Variants in GPS1 observed in about 807,000 individuals in gnomAD.
GPS1 encodes G protein pathway suppressor 1, also known as COP9 signalosome complex subunit 1.
A neutral mutation model predicts 60.0 loss-of-function variants in GPS1; 11 were observed. The observed-to-expected ratio is 0.18, with a 90% CI of 0.12 to 0.30. The LOEUF is 0.30. Ranked by LOEUF, GPS1 falls within the 10% of genes least tolerant of loss-of-function variation. The pLI is 1.00. For synonymous variants in GPS1, 343 were observed against 269.8 expected, an observed-to-expected ratio of 1.27 and a Z score of -2.66; for missense variants, 543 against 669.2, an observed-to-expected ratio of 0.81 and a Z score of 2.08.
In GPS1 at chr17:82,057,354, G is replaced by C. The variant is rs1017250004; in HGVS notation, c.*227G>C. 1.4e-6 allele frequency: 1 copy of C among 708,798 alleles called. No homozygotes were observed. Among genetic ancestry groups the C allele is most frequent in the Non-Finnish European group, 2.5e-6 (1 of 392,598 alleles). The allele number at this position is 708,798 out of a possible 1,614,324, so 43.9% of individuals were successfully genotyped here. On this transcript the variant is annotated 3_prime_UTR_variant, in exon 13 of 13. Transcript: ENST00000578552. ...TCGACCCTGTGGGTTTCTGTCCCCA[G>C]GGAGCAGACTGTGCGGCACCCAGGC...
intron 7 of GPS1, 63 bp from the exon 8 acceptor site, chr17:82,055,938 T>C (rs1335987948): frequency 6.9e-7 from 1 of 1,450,948 alleles, no homozygotes; most frequent in African/African-American, 1.4e-5. Context: ...TCCGAGCGGG[T>C]GATGGGCAGG....
At position 82,055,199 on chromosome 17, in the gene GPS1, T is replaced by A. The variant is rs1408958507; in HGVS notation, c.725T>A (p.Leu242His). 6.4e-6 allele frequency: 10 copies of A among 1,558,656 alleles called. No individual in the cohort carries two copies. The highest frequency in any genetic ancestry group is 1.9e-5 in the Admixed American group (1 of 52,116). ...CGTGACAGCCAGACCCAGGCCATCC[T>A]CACCAAGCTCAAGTGTGCCGCAGGT... is the stretch of plus-strand genomic sequence containing the variant. ...GERDSQTQAI[L>H]TKLKCAAGLA... The change falls in exon 6 of 13, where the codon CTC becomes CAC. Residue 242 changes from leucine to histidine, a missense_variant. Coordinates refer to ENST00000578552, the MANE Select transcript of GPS1 (RefSeq NM_001321092.3).
At position 82,053,316 on chromosome 17, in the gene GPS1, G is replaced by A; in HGVS notation, c.76G>A (p.Asp26Asn). The change falls in exon 2 of 13, where the codon GAC becomes AAC. Residue 26 changes from aspartate (D) to asparagine (N), a missense_variant. Around this residue, in one of 3 missense-constraint regions of GPS1, gnomAD observed 181 missense variants for 188.8 expected, o/e 0.96. Coordinates refer to ENST00000578552, the MANE Select transcript of GPS1 (RefSeq NM_001321092.3). Reference protein sequence around the residue: ...PMQIDVDPQEDPQNAPDVNYV... With the variant: ...PMQIDVDPQENPQNAPDVNYV... ...GCAGATCGACGTGGACCCCCAGGAAGACCCGCAGAATGCACCTGACGTCAA... is the reference window on the plus strand; with the variant it reads ...GCAGATCGACGTGGACCCCCAGGAAAACCCGCAGAATGCACCTGACGTCAA... The A allele has an allele frequency of 1.3e-6, 2 of 1,548,230 alleles. No individual in the cohort carries two copies. The highest frequency in any genetic ancestry group is 1.7e-6 in the Non-Finnish European group (2 of 1,155,740).
At chr17:82,052,183 C>T in intron 1 of GPS1, 1 of 1,358,876 alleles carries the variant, frequency 7.4e-7, no homozygotes. Flanking sequence ...CCGCGCCCGC[C>T]CCGCCTCCCC....
Position 82,056,276 on chromosome 17 carries a change from G to C in GPS1, c.930-10G>C. On this transcript the variant is annotated splice_polypyrimidine_tract_variant and intron_variant, in intron 8 of 12. Transcript: ENST00000578552. ...CAGAGGACAGAGTTCTGAGGGGTCT[G>C]CCTCACCAGCTCCTTCAAGTTGTTC... 6.3e-7 allele frequency: 1 copy of C among 1,582,098 alleles called. No individual in the cohort carries two copies. The highest frequency in any genetic ancestry group is 1.1e-5 in the South Asian group (1 of 90,498).
upstream of GPS1, chr17:82,051,346 G>A: frequency 1.4e-6 from 2 of 1,468,430 alleles, no homozygotes; most frequent in Non-Finnish European, 1.8e-6. This position sits in a 1 kb window ranked among gnomAD's most constrained non-coding sequence, Gnocchi z 4.1. Flanking sequence ...TAAACGTCTG[G>A]GGGAGAAACA....
Position 82,053,375 on chromosome 17 carries a change from C to T in GPS1, c.126+9C>T. On this transcript the variant is annotated intron_variant, in intron 2 of 12. Coordinates refer to ENST00000578552, the MANE Select transcript of GPS1 (RefSeq NM_001321092.3). ...TGGAGAACCCCAGCCTGGTACGGAG[C>T]CCAGTGGGGGGACCTTGGGTGTCTC... 12 of 1,467,662 alleles carry T rather than the reference C, an allele frequency of 8.2e-6. No homozygotes were observed. The highest frequency in any genetic ancestry group is 1.1e-5 in the Non-Finnish European group (12 of 1,112,500). 90.9% of individuals were successfully genotyped at this position (1,467,662 alleles called of 1,614,324 possible).
chr17:82,054,006 G>A lies in GPS1; in HGVS notation c.265G>A (p.Asp89Asn). 2 of 1,612,634 alleles carry A rather than the reference G, an allele frequency of 1.2e-6. No individual in the cohort carries two copies. Among genetic ancestry groups the A allele is most frequent in the Non-Finnish European group, 8.5e-7 (1 of 1,179,766 alleles). Residue 89 changes from aspartate to asparagine, a missense_variant, in exon 3 of 13, where the codon GAC (aspartate) becomes AAC (asparagine). Asp to Asn is a conservative substitution (Grantham distance 23). Transcript: ENST00000578552. Reference sequence around the variant, plus strand: ...CTTCGTGCAGAGAACCTTTAACGTGGACATGTACGAGGAGATCCACCGCAA... The same window carrying A: ...CTTCGTGCAGAGAACCTTTAACGTGAACATGTACGAGGAGATCCACCGCAA... ...LSFVQRTFNV[D>N]MYEEIHRKLS...
upstream of GPS1, chr17:82,051,772 C>G (rs2030666418): frequency 9.0e-7 from 1 of 1,105,138 alleles, no homozygotes; most frequent in Admixed American, 5.2e-5. This position sits in a 1 kb window ranked among gnomAD's most constrained non-coding sequence, Gnocchi z 4.1. Flanking sequence ...CTCATGCGGC[C>G]GCCGGGACCC....
At position 82,054,529 on chromosome 17, in the gene GPS1, G is replaced by A. The variant is rs369888073; in HGVS notation, c.328G>A (p.Asp110Asn). 2.2e-5 allele frequency: 34 copies of A among 1,551,376 alleles called. No individual in the cohort carries two copies. In the African/African-American group the frequency reaches 3.5e-4, roughly 16 times the overall value. ...TCTCAGGGAGCTGCAGAACGCACCC[G>A]ACGCCATCCCTGAGAGCGGCGTGGA... ...EATRELQNAP[D>N]AIPESGVEPP... The change falls in exon 4 of 13, where the codon GAC becomes AAC. Residue 110 changes from aspartate (D) to asparagine (N), a missense_variant. Physicochemically the swap from Asp to Asn is conservative, Grantham distance 23. Transcript: ENST00000578552.
Position 82,054,017 on chromosome 17 carries a change from G to A in GPS1, c.276G>A (p.Glu92=), listed in dbSNP as rs547105577. 7 of 1,612,240 alleles carry A rather than the reference G, an allele frequency of 4.3e-6. No individual in the cohort carries two copies. The South Asian group carries it at 7.7e-5, about 18-fold the overall frequency. ...VQRTFNVDMY[E]EIHRKLSEAT... ...GAACCTTTAACGTGGACATGTACGA[G>A]GAGATCCACCGCAAGCTCTCAGAGG... is the stretch of plus-strand genomic sequence containing the variant. Residue 92 remains glutamate (E), a synonymous_variant, in exon 3 of 13, where the codon GAG becomes GAA. Transcript: ENST00000578552.
At chr17:82,052,225 G>A (rs1298545335) in intron 1 of GPS1, 13 of 1,571,632 alleles carry the variant, frequency 8.3e-6, no homozygotes, top group Non-Finnish European at 1.1e-5. Context: ...GTTCCCGGCC[G>A]CCCCGACGCT....
At position 82,056,622 on chromosome 17, in the gene GPS1, C is replaced by T. The variant is rs1453297643; in HGVS notation, c.1117-7C>T. The T allele has an allele frequency of 5.6e-6, 9 of 1,611,856 alleles. No homozygotes were observed. Among genetic ancestry groups the T allele is most frequent in the Non-Finnish European group, 6.8e-6 (8 of 1,179,610 alleles). On this transcript the variant is annotated splice_region_variant and splice_polypyrimidine_tract_variant and intron_variant, in intron 10 of 12. Transcript: ENST00000578552. ...GGCTGTGGAGCTGACTTCCCTCTGC[C>T]CTGCAGTATTTCAGCCCCTACGTGT... is the stretch of plus-strand genomic sequence containing the variant.
At position 82,053,251 on chromosome 17, in the gene GPS1, C is replaced by T. The variant is rs1237163517; in HGVS notation, c.34-23C>T. 2.6e-6 allele frequency: 4 copies of T among 1,520,808 alleles called. No homozygotes were observed. In the Admixed American group the frequency reaches 7.5e-5, roughly 29 times the overall value. The allele number at this position is 1,520,808 out of a possible 1,614,324, so 94.2% of individuals were successfully genotyped here. A position where few individuals can be genotyped will look rare whatever the true frequency, so the allele number is the denominator to read the frequency against. On this transcript the variant is annotated intron_variant, in intron 1 of 12. Coordinates refer to ENST00000578552, the MANE Select transcript of GPS1 (RefSeq NM_001321092.3). The stretch of plus-strand genomic sequence containing the variant: ...TGGGGCAGTCCCCAGGACGAGGTGC[C>T]AGGTGCCTGGCCCATGTTGCAGGGG...
chr17:82,056,432 T>C, intron 9 of GPS1, 38 bp from the exon 10 acceptor site: 1 of 1,612,766 alleles, frequency 6.2e-7, no homozygotes, highest in Non-Finnish European at 8.5e-7. Context: ...GGGCCCTGCC[T>C]GGCCTCCTGT....
At chr17:82,052,515 G>A (rs1598481786) in intron 1 of GPS1, 29 of 1,573,124 alleles carry the variant, frequency 1.8e-5, no homozygotes, top group Non-Finnish European at 2.3e-5. Context: ...GGCCCCGGCC[G>A]CCCCTGCTGT....
In GPS1 at chr17:82,052,982, C is replaced by A. The variant is rs572330707; in HGVS notation, c.34-292C>A. 55 of 280,828 alleles carry A rather than the reference C, an allele frequency of 2.0e-4. No individual in the cohort carries two copies. In the South Asian group the frequency reaches 5.6e-3, roughly 29 times the overall value. The allele number at this position is 280,828 out of a possible 1,614,324, so 17.4% of individuals were successfully genotyped here. A position where few individuals can be genotyped will look rare whatever the true frequency, so the allele number is the denominator to read the frequency against. Reference sequence around the variant, plus strand: ...CAGAGGCCCCTGTGTAGTTGGTTGTCCCCTGTCTGCTTTCTGGCTTTCAGA... The same window carrying A: ...CAGAGGCCCCTGTGTAGTTGGTTGTACCCTGTCTGCTTTCTGGCTTTCAGA... On this transcript the variant is annotated intron_variant, in intron 1 of 12. Coordinates refer to ENST00000578552, the MANE Select transcript of GPS1 (RefSeq NM_001321092.3).
Position 82,052,667 on chromosome 17 carries a change from G to A in GPS1, c.34-607G>A, listed in dbSNP as rs1014391786. On this transcript the variant is annotated intron_variant, in intron 1 of 12. Coordinates refer to ENST00000578552, the MANE Select transcript of GPS1 (RefSeq NM_001321092.3). ...CCCGAAGGAGCGCGGGAGGCCCACG[G>A]GTCCGGCGAGTGCCCGGCATGGCGG... 9 of 606,046 alleles carry A rather than the reference G, an allele frequency of 1.5e-5. No homozygotes were observed. The Admixed American group carries it at 2.7e-4, about 18-fold the overall frequency. The allele number at this position is 606,046 out of a possible 1,614,324, so 37.5% of individuals were successfully genotyped here. A position where few individuals can be genotyped will look rare whatever the true frequency, so the allele number is the denominator to read the frequency against.
rs563848936 is a variant in GPS1, at chr17:82,057,228, C to T, written c.*101C>T. 1.7e-3 allele frequency: 2,486 copies of T among 1,466,292 alleles called. 46 individuals carry two copies. The South Asian group carries it at 0.025, about 15-fold the overall frequency. The allele number at this position is 1,466,292 out of a possible 1,614,324, so 90.8% of individuals were successfully genotyped here. A position where few individuals can be genotyped will look rare whatever the true frequency, so the allele number is the denominator to read the frequency against. ...TGCTGCCTGCGGCCCAGCTAAGGGG[C>T]CTGGCCACTGGGTGCCACCCAGCCT... On this transcript the variant is annotated 3_prime_UTR_variant, in exon 13 of 13. Transcript: ENST00000578552.
Sources: gnomAD v4.1 joint callset for allele counts on GRCh38, gnomAD v4.1.1 for gene constraint, gnomAD v4.1.1 regional missense constraint, Gnocchi (gnomAD v3.1) non-coding constraint, MANE v1.5 for transcripts, NCBI Gene and HGNC (gene_info 2026-07-23, HGNC 2026-07-21) for gene names.